SRD5A2: variants seen among roughly 807,000 people sequenced by gnomAD.
The protein encoded by SRD5A2 is 3-oxo-5-alpha-steroid 4-dehydrogenase 2.
A neutral mutation model predicts 27.4 loss-of-function variants in SRD5A2; 30 were observed. That is an observed-to-expected ratio of 1.10 (90% confidence interval 0.82 to 1.49). The LOEUF is 1.49. Ranked by LOEUF, SRD5A2 falls within the 40% of genes most tolerant of loss-of-function variation. The probability of loss-of-function intolerance (pLI) is 0.00; values close to 1 mark genes in which losing one functional copy is unlikely to be tolerated. For synonymous variants in SRD5A2, 141 were observed against 133.6 expected, an observed-to-expected ratio of 1.06 and a Z score of -0.38; for missense variants, 348 against 323.4, an observed-to-expected ratio of 1.08 and a Z score of -0.58.
chr2:31,581,310 C>A (rs1667079617), upstream of SRD5A2, among the ~76,000 whole-genome samples: 1 of 152,212 alleles, frequency 6.6e-6, no homozygotes, highest in Non-Finnish European at 1.5e-5. Context: ...TCTGTGCCGT[C>A]GGTCACCACG....
the SRD5A2 span, among the ~76,000 whole-genome samples, chr2:31,614,874 T>C: frequency 6.6e-6 from 1 of 152,068 alleles, no homozygotes; most frequent in Non-Finnish European, 1.5e-5. Flanking sequence ...CCATGTGTTG[T>C]GGGAGGGACC....
chr2:31,659,177 T>C, the SRD5A2 span, among the ~76,000 whole-genome samples: 8 of 152,252 alleles, frequency 5.3e-5, no homozygotes, highest in African/African-American at 1.4e-4. Flanking sequence ...TGAAGGAACA[T>C]ACTTCAAAAT....
chr2:31,534,741 T>C (rs1038086416), intron 1 of SRD5A2, among the ~76,000 whole-genome samples: 3 of 152,202 alleles, frequency 2.0e-5, no homozygotes, highest in Non-Finnish European at 4.4e-5. Flanking sequence ...ATTTCACAGA[T>C]AATCACAGTT....
At chr2:31,527,602 G>C (rs962532053) in intron 4 of SRD5A2, 2 of 152,158 alleles carry the variant, frequency 1.3e-5, no homozygotes, top group African/African-American at 4.8e-5. Flanking sequence ...AAGCACAGTA[G>C]AGTCCCTCCT....
At chr2:31,622,750 G>T in the SRD5A2 span, among the ~76,000 whole-genome samples, 552 of 152,160 alleles carry the variant, frequency 3.6e-3, 4 homozygotes, top group African/African-American at 0.013. Context: ...TTTGGTATAA[G>T]TTTGGCTTTG....
chr2:31,551,237 G>T (rs2148078792), intron 1 of SRD5A2, among the ~76,000 whole-genome samples: 1 of 152,042 alleles, frequency 6.6e-6, no homozygotes, highest in East Asian at 1.9e-4. Flanking sequence ...TCATGTTCAT[G>T]GATTAAAAGA....
At chr2:31,618,465 A>T in the SRD5A2 span, among the ~76,000 whole-genome samples, 1 of 152,196 alleles carries the variant, frequency 6.6e-6, no homozygotes, top group Non-Finnish European at 1.5e-5. Flanking sequence ...AAAATATGAT[A>T]TATATACACA....
chr2:31,535,153 C>A (rs1666000138), intron 1 of SRD5A2, among the ~76,000 whole-genome samples: 1 of 151,990 alleles, frequency 6.6e-6, no homozygotes, highest in African/African-American at 2.4e-5. Flanking sequence ...TCCCAAGCAG[C>A]TGGGACTACA....
chr2:31,525,308 C>A lies in SRD5A2; in HGVS notation c.*888G>T, dbSNP rs1665753009. On this transcript the variant is annotated 3_prime_UTR_variant, in exon 5 of 5. Transcript: ENST00000622030. ...GCAGCATGTAACCTCATCATTAATT[C>A]TCTTTGTTTTACACTACTCATTATT... is the stretch of plus-strand genomic sequence containing the variant. The A allele has an allele frequency of 4.4e-6, 1 of 224,896 alleles. No homozygotes were observed. Among genetic ancestry groups the A allele is most frequent in the Non-Finnish European group, 8.9e-6 (1 of 112,866 alleles). The allele number at this position is 224,896 out of a possible 1,614,324, so 13.9% of individuals were successfully genotyped here. A position where few individuals can be genotyped will look rare whatever the true frequency, so the allele number is the denominator to read the frequency against.
At position 31,525,617 on chromosome 2, in the gene SRD5A2, A is replaced by C; in HGVS notation, c.*579T>G. On this transcript the variant is annotated 3_prime_UTR_variant, in exon 5 of 5. Coordinates refer to ENST00000622030, the MANE Select transcript of SRD5A2 (RefSeq NM_000348.4). Reference sequence around the variant, plus strand: ...AATGCATCAGTATCTTTTCAGCACTATGAGGAGAGGGCTCCTGTATTCAAG... The same window carrying C: ...AATGCATCAGTATCTTTTCAGCACTCTGAGGAGAGGGCTCCTGTATTCAAG... 1 of 226,950 alleles carries C rather than the reference A, an allele frequency of 4.4e-6. No individual in the cohort carries two copies. Among genetic ancestry groups the C allele is most frequent in the Non-Finnish European group, 8.8e-6 (1 of 114,212 alleles). The allele number at this position is 226,950 out of a possible 1,614,324, so 14.1% of individuals were successfully genotyped here.
intron 1 of SRD5A2, among the ~76,000 whole-genome samples, chr2:31,547,861 A>C (rs1332533908): frequency 2.0e-4 from 29 of 144,082 alleles, no homozygotes; most frequent in Non-Finnish European, 1.5e-5. Context: ...GCCTCTCTCT[A>C]CATAGATAGA....
rs1047914558 is a variant in SRD5A2 at position 31,522,827 on chromosome 2, T to G, written c.*3369A>C. On this transcript the variant is annotated 3_prime_UTR_variant, in exon 5 of 5. Transcript: ENST00000622030. ...GCATGGACCTCAGCTCACAGCTTAT[T>G]AGAGAACCAAAAGGCCAAGCGGGAA... 9.0e-6 allele frequency: 2 copies of G among 221,978 alleles called. No individual in the cohort carries two copies. The highest frequency in any genetic ancestry group is 1.8e-5 in the Non-Finnish European group (2 of 111,006). The allele number at this position is 221,978 out of a possible 1,614,324, so 13.8% of individuals were successfully genotyped here. A position where few individuals can be genotyped will look rare whatever the true frequency, so the allele number is the denominator to read the frequency against.
chr2:31,577,158 A>C (rs1480231287), intron 1 of SRD5A2, among the ~76,000 whole-genome samples: 5 of 39,532 alleles, frequency 1.3e-4, no homozygotes, highest in Middle Eastern at 0.015. Context: ...AAAAAAAAAA[A>C]CATTAAAAAA....
At chr2:31,597,476 G>T in the SRD5A2 span, among the ~76,000 whole-genome samples, 1 of 151,964 alleles carries the variant, frequency 6.6e-6, no homozygotes, top group Admixed American at 6.6e-5. Context: ...AAACTAAAAA[G>T]CTTCTGCATA....
the SRD5A2 span, among the ~76,000 whole-genome samples, chr2:31,631,613 C>G: frequency 6.6e-6 from 1 of 152,128 alleles, no homozygotes; most frequent in South Asian, 2.1e-4. Context: ...TCAGATAACC[C>G]TGATGGCTAT....
chr2:31,602,817 A>G, the SRD5A2 span, among the ~76,000 whole-genome samples: 4 of 152,116 alleles, frequency 2.6e-5, no homozygotes, highest in Admixed American at 2.0e-4. Flanking sequence ...CAATGGGAAT[A>G]GGATTTCCCA....
At chr2:31,602,060 C>A in the SRD5A2 span, among the ~76,000 whole-genome samples, 9 of 151,898 alleles carry the variant, frequency 5.9e-5, no homozygotes, top group African/African-American at 1.5e-4. Flanking sequence ...CTGGCCAGGG[C>A]AATCGGGCAA....
the SRD5A2 span, among the ~76,000 whole-genome samples, chr2:31,616,243 G>A: frequency 6.6e-6 from 1 of 152,136 alleles, no homozygotes; most frequent in African/African-American, 2.4e-5. Flanking sequence ...TGTGGAAAGG[G>A]AATGTAGGGT....
chr2:31,575,461 T>A (rs1314276108), intron 1 of SRD5A2, among the ~76,000 whole-genome samples: 1 of 152,146 alleles, frequency 6.6e-6, no homozygotes, highest in East Asian at 1.9e-4. Flanking sequence ...ACACTGCCTA[T>A]TATGAAAGCC....
Sources: allele counts gnomAD v4.1 joint callset (sites outside exome capture counted in the v4.1 genomes callset), GRCh38; gene constraint gnomAD v4.1.1; transcripts MANE v1.5; gene names NCBI Gene and HGNC (gene_info 2026-07-23, HGNC 2026-07-21).